Variants in DAB1 observed in about 807,000 individuals in gnomAD.
The protein encoded by DAB1 is disabled homolog 1.
DAB1 carries 15 observed loss-of-function variants against 64.6 expected under a neutral mutation model. That is an observed-to-expected ratio of 0.23 (90% CI 0.16 to 0.36). DAB1 has a LOEUF of 0.36. Among genes scored for constraint, DAB1 ranks in the 10% least tolerant of loss-of-function variants. DAB1 has a pLI of 1.00. For synonymous variants in DAB1, 235 were observed against 251.9 expected (o/e 0.93, Z 0.64); for missense variants, 596 against 706.7 (o/e 0.84, Z 1.78).
At chr1:57,575,799 C>G (rs2101541607) in intron 7 of DAB1, among the ~76,000 whole-genome samples, 1 of 152,266 alleles carries the variant, frequency 6.6e-6, no homozygotes, top group Middle Eastern at 3.4e-3. Context: ...CTCTTATATG[C>G]CAAGTTCTGA....
chr1:57,121,280 T>C (rs543270032), intron 4 of DAB1, among the ~76,000 whole-genome samples: 9 of 151,972 alleles, frequency 5.9e-5, no homozygotes, highest in African/African-American at 2.2e-4. Flanking sequence ...AAAGAACATA[T>C]TTGCTATCCA....
At chr1:57,912,491 G>A (rs1223584380) in intron 5 of DAB1, among the ~76,000 whole-genome samples, 1 of 152,122 alleles carries the variant, frequency 6.6e-6, no homozygotes, top group Non-Finnish European at 1.5e-5. Flanking sequence ...ATATCATACT[G>A]AATGGGCAAA....
intron 2 of DAB1, among the ~76,000 whole-genome samples, chr1:57,200,951 C>A (rs1665046336): frequency 6.6e-6 from 1 of 152,174 alleles, no homozygotes; most frequent in African/African-American, 2.4e-5. Context: ...AGAGGCAGGT[C>A]TACTAGGCAT....
intron 1 of DAB1, among the ~76,000 whole-genome samples, chr1:58,532,852 G>A (rs979638259): frequency 1.3e-5 from 2 of 152,136 alleles, no homozygotes; most frequent in African/African-American, 4.8e-5. Flanking sequence ...AAATCTTCCT[G>A]TAACTCAAAA....
chr1:57,341,596 GT>G (rs1677590843), intron 1 of DAB1, among the ~76,000 whole-genome samples: 1 of 152,026 alleles, frequency 6.6e-6, no homozygotes, highest in Admixed American at 6.6e-5. Flanking sequence ...GAAACAAAGG[GT>G]CCTTCAAAAA....
rs868749294 is a variant in DAB1 at position 57,015,379 on chromosome 1, G to A, written c.948C>T (p.Leu316=). 1.1e-5 allele frequency: 17 copies of A among 1,613,802 alleles called. No homozygotes were observed. The highest frequency in any genetic ancestry group is 1.4e-5 in the Non-Finnish European group (17 of 1,180,006). ...CACCCATGACCATCTGCTGTTGGAC[G>A]AGGGGCTGCTGACCCCAGAAGGACG... ...VLPSFWGQQP[L]VQQQMVMGAQ... is the part of the protein sequence containing the mutation. The change falls in exon 12 of 15, where the codon CTC becomes CTT. Residue 316 remains leucine (L), a synonymous_variant. Coordinates refer to ENST00000371236, the MANE Select transcript of DAB1 (RefSeq NM_001365792.1).
chr1:57,956,149 T>C (rs1466828781), intron 5 of DAB1, among the ~76,000 whole-genome samples: 2 of 152,120 alleles, frequency 1.3e-5, no homozygotes, highest in South Asian at 2.1e-4. Flanking sequence ...CAGGGGAACA[T>C]TTATAGATCA....
chr1:57,394,644 T>C (rs1311608488), intron 1 of DAB1, among the ~76,000 whole-genome samples: 4 of 152,304 alleles, frequency 2.6e-5, no homozygotes, highest in South Asian at 2.1e-4. Context: ...TCTAAAACAG[T>C]TTCTGGGAAC....
chr1:58,295,540 C>T (rs1049723543), intron 4 of DAB1, among the ~76,000 whole-genome samples: 5 of 152,192 alleles, frequency 3.3e-5, no homozygotes, highest in Non-Finnish European at 7.3e-5. Flanking sequence ...CTCCTCTCCC[C>T]TCATTCTCTA....
At chr1:57,290,010 C>T (rs1351106351) in intron 2 of DAB1, among the ~76,000 whole-genome samples, 1 of 152,190 alleles carries the variant, frequency 6.6e-6, no homozygotes, top group Non-Finnish European at 1.5e-5. Context: ...TCTTCATTGC[C>T]AGATATCTCT....
intron 6 of DAB1, among the ~76,000 whole-genome samples, chr1:57,817,966 G>A (rs936944061): frequency 6.6e-6 from 1 of 152,110 alleles, no homozygotes; most frequent in African/African-American, 2.4e-5. Context: ...TTAAAATAAG[G>A]ACTTTTATTA....
At chr1:57,514,581 A>C (rs1426708181) in intron 7 of DAB1, among the ~76,000 whole-genome samples, 1 of 152,246 alleles carries the variant, frequency 6.6e-6, no homozygotes, top group Non-Finnish European at 1.5e-5. Flanking sequence ...AATATTCAAC[A>C]AAGATATACT....
intron 5 of DAB1, among the ~76,000 whole-genome samples, chr1:58,038,651 C>T: frequency 6.6e-6 from 1 of 151,966 alleles, no homozygotes; most frequent in East Asian, 1.9e-4. Flanking sequence ...TTATTGGGGC[C>T]AGGATTTAAA....
At position 57,257,823 on chromosome 1, in the gene DAB1, T is replaced by A. The variant is rs533826611; in HGVS notation, c.67+33141A>T. ...ATTCCTTGGCTTGTGGCCACATCAT[T>A]CCACTCTGTGCCTAGTGGTCACATT... On this transcript the variant is annotated intron_variant, in intron 2 of 14. Coordinates refer to ENST00000371236, the MANE Select transcript of DAB1 (RefSeq NM_001365792.1). Among the ~76,000 whole-genome samples, 4 of 152,316 alleles carry A rather than the reference T, an allele frequency of 2.6e-5. No individual in the cohort carries two copies. The East Asian group carries it at 7.7e-4, about 29-fold the overall frequency.
At chr1:57,519,800 T>TC (rs1644504891) in intron 7 of DAB1, among the ~76,000 whole-genome samples, 1 of 152,260 alleles carries the variant, frequency 6.6e-6, no homozygotes, top group Non-Finnish European at 1.5e-5. Context: ...AGGAATATAA[T>TC]CCCCCGGCAC....
chr1:58,310,320 C>A (rs899970097), intron 4 of DAB1, among the ~76,000 whole-genome samples: 31 of 152,088 alleles, frequency 2.0e-4, no homozygotes, highest in African/African-American at 7.2e-4. Flanking sequence ...TAAATTGATA[C>A]AGAAGAGTAT....
intron 7 of DAB1, among the ~76,000 whole-genome samples, chr1:57,491,964 C>G (rs1225957945): frequency 6.6e-6 from 1 of 152,118 alleles, no homozygotes; most frequent in African/African-American, 2.4e-5. Flanking sequence ...AGCAAAGGCT[C>G]AGAGGCTAAA....
chr1:57,800,399 T>C (rs1373928841), intron 6 of DAB1, among the ~76,000 whole-genome samples: 1 of 152,206 alleles, frequency 6.6e-6, no homozygotes, highest in Non-Finnish European at 1.5e-5. Context: ...TTCACATTGC[T>C]TGCAAGTGTA....
At chr1:57,850,002 A>G (rs907416100) in intron 1 of DAB1, among the ~76,000 whole-genome samples, 1 of 152,164 alleles carries the variant, frequency 6.6e-6, no homozygotes, top group Non-Finnish European at 1.5e-5. Flanking sequence ...AGCAAGGTTG[A>G]CATTGGACTC....
Sources: allele counts gnomAD v4.1 joint callset (sites outside exome capture counted in the v4.1 genomes callset), GRCh38; gene constraint gnomAD v4.1.1; transcripts MANE v1.5; gene names NCBI Gene and HGNC (gene_info 2026-07-23, HGNC 2026-07-21).